The following USH2A variants were observed in gnomAD, a reference collection of about 807,000 sequenced individuals.
USH2A encodes Usher syndrome 2A (autosomal recessive, mild).
USH2A carries 443 observed loss-of-function variants against 538.9 expected under a neutral mutation model. The ratio of observed to expected loss-of-function variants is 0.82; its 90% confidence interval spans 0.76 to 0.89. The LOEUF (loss-of-function observed/expected upper bound fraction) is 0.89. Ranked by LOEUF, USH2A falls within the 40% of genes least tolerant of loss-of-function variation. The pLI, the probability that USH2A is intolerant of heterozygous loss-of-function variation, is 0.00. For synonymous variants in USH2A, 2,413 were observed against 2,273.5 expected, an observed-to-expected ratio of 1.06 and a Z score of -1.75; for missense variants, 6,633 against 6,324.8, an observed-to-expected ratio of 1.05 and a Z score of -1.65.
rs560882558 is a variant in USH2A, at chr1:216,298,296, T to C, written c.1645-5926A>G. 3.3e-5 allele frequency among the ~76,000 whole-genome samples: 5 copies of C among 152,330 alleles called. No individual in the cohort carries two copies. In the South Asian group the frequency reaches 1.0e-3, roughly 32 times the overall value. On this transcript the variant is annotated intron_variant, in intron 9 of 71. Transcript: ENST00000307340. ...TTGGTATATTGCCTACATGAGTTAG[T>C]GGAGCAAATCCAGCAAAAGCATTCC... is the stretch of plus-strand genomic sequence containing the variant.
chr1:215,932,233 T>C (rs553059059), intron 38 of USH2A, among the ~76,000 whole-genome samples: 1 of 151,998 alleles, frequency 6.6e-6, no homozygotes, highest in East Asian at 1.9e-4. Flanking sequence ...GAAAAGTAAA[T>C]AGCATATAGA....
intron 32 of USH2A, among the ~76,000 whole-genome samples, chr1:216,040,688 T>C (rs1242218007): frequency 6.6e-6 from 1 of 152,030 alleles, no homozygotes; most frequent in East Asian, 1.9e-4. Context: ...TTTTGTCTAC[T>C]TGTTTGGGAA....
intron 3 of USH2A, among the ~76,000 whole-genome samples, chr1:216,369,920 CAAAAAAAAA>C (rs71161416): frequency 1.8e-3 from 231 of 127,302 alleles, no homozygotes; most frequent in Admixed American, 2.0e-3. Context: ...GAGACTCTGC[CAAAAAAAAA>C]AAAAAAAAAA....
intron 45 of USH2A, 109 bp from the exon 46 acceptor site, chr1:215,844,605 T>G (rs1663787213): frequency 9.0e-7 from 1 of 1,106,124 alleles, no homozygotes; most frequent in Admixed American, 1.9e-5. Context: ...CTCGCTTATC[T>G]GCTTTTCGCT....
chr1:215,892,627 G>T (rs1431169988), intron 40 of USH2A, among the ~76,000 whole-genome samples: 1 of 152,022 alleles, frequency 6.6e-6, no homozygotes, highest in Non-Finnish European at 1.5e-5. Flanking sequence ...CATAATAAAA[G>T]ATCCAAATGT....
At chr1:216,290,086 TA>T (rs1571666152) in intron 10 of USH2A, among the ~76,000 whole-genome samples, 1 of 152,250 alleles carries the variant, frequency 6.6e-6, no homozygotes, top group East Asian at 1.9e-4. Flanking sequence ...TATTATGTAA[TA>T]AAAAACCTAA....
chr1:216,362,726 T>A (rs1189116423), intron 4 of USH2A, among the ~76,000 whole-genome samples: 3 of 151,940 alleles, frequency 2.0e-5, no homozygotes, highest in Non-Finnish European at 2.9e-5. Flanking sequence ...GTGGATCACC[T>A]GAGGCCAGGA....
At chr1:215,694,340 A>G (rs888655393) in intron 61 of USH2A, among the ~76,000 whole-genome samples, 4 of 152,168 alleles carry the variant, frequency 2.6e-5, no homozygotes, top group East Asian at 1.9e-4. Flanking sequence ...TTGGGAGGCC[A>G]AGGCGGGTAG....
At chr1:215,988,264 C>T (rs1033946493) in intron 35 of USH2A, among the ~76,000 whole-genome samples, 7 of 151,916 alleles carry the variant, frequency 4.6e-5, no homozygotes, top group East Asian at 1.9e-4. Context: ...GATAAACTCA[C>T]GTAAGTGCAA....
At chr1:216,013,400 G>A (rs1571889023) in intron 32 of USH2A, among the ~76,000 whole-genome samples, 2 of 151,728 alleles carry the variant, frequency 1.3e-5, no homozygotes, top group South Asian at 4.2e-4. Context: ...AATTTTCGCT[G>A]TCCCAACACT....
Position 215,794,583 on chromosome 1 carries a change from A to G in USH2A, c.9959-4301T>C, listed in dbSNP as rs79312944. On this transcript the variant is annotated intron_variant, in intron 50 of 71. Transcript: ENST00000307340. ...GGAAAAATACATGTGGAATCTGTCT[A>G]TTTTCAGTGCAACCTGCAGAAAGAA... Among the ~76,000 whole-genome samples the G allele has an allele frequency of 0.016, 2,427 of 152,306 alleles. 66 individuals are homozygous for G. Among genetic ancestry groups the G allele is most frequent in the African/African-American group, 0.056 (2,335 of 41,546 alleles).
intron 61 of USH2A, among the ~76,000 whole-genome samples, chr1:215,722,107 T>C (rs1309685753): frequency 6.6e-6 from 1 of 151,936 alleles, no homozygotes; most frequent in Admixed American, 6.6e-5. Context: ...CAAATATTCA[T>C]TGTTTTGTGT....
At chr1:216,226,184 C>T (rs1034272162) in intron 14 of USH2A, among the ~76,000 whole-genome samples, 4 of 151,966 alleles carry the variant, frequency 2.6e-5, no homozygotes, top group African/African-American at 9.7e-5. Context: ...TTTCACTGAC[C>T]CTTTAAACAT....
At chr1:216,421,470 T>C (rs976210050) in intron 2 of USH2A, among the ~76,000 whole-genome samples, 1 of 152,156 alleles carries the variant, frequency 6.6e-6, no homozygotes, top group African/African-American at 2.4e-5. Context: ...AGTAAGGAAA[T>C]GTTGATTATA....
chr1:215,879,326 CT>C (rs1287734065), intron 41 of USH2A, among the ~76,000 whole-genome samples: 6 of 152,232 alleles, frequency 3.9e-5, no homozygotes, highest in African/African-American at 1.4e-4. Context: ...AGTCTTGCCA[CT>C]TTCTACGACT....
rs1263179301 is a variant in USH2A, at chr1:215,743,416, G to GTA, written c.11390-83_11390-82dup. On this transcript the variant is annotated intron_variant, in intron 58 of 71. Transcript: ENST00000307340. ...TGTGTGTGTGTGTGTGTGTGTGTGT[G>GTA]TATATATATATAGACACACATATAT... is the stretch of plus-strand genomic sequence containing the variant. The GTA allele has an allele frequency of 0.017, 4,062 of 238,242 alleles. 446 individuals are homozygous for GTA. Among genetic ancestry groups the GTA allele is most frequent in the African/African-American group, 0.11 (3,485 of 31,374 alleles). The allele number at this position is 238,242 out of a possible 1,614,324, so 14.8% of individuals were successfully genotyped here.
At chr1:215,708,634 T>C (rs971860047) in intron 61 of USH2A, among the ~76,000 whole-genome samples, 1 of 152,146 alleles carries the variant, frequency 6.6e-6, no homozygotes, top group African/African-American at 2.4e-5. Flanking sequence ...CTTAGATCCC[T>C]TGCGTGCGCA....
In USH2A at chr1:215,628,981, T is replaced by C. The variant is rs2102625341; in HGVS notation, c.15352A>G (p.Asn5118Asp). ...ATGCGCAGGACACATGCACTCCGGT[T>C]GCTGCGGATACTCACAGGTGTCCCA... ...RSGTPVSIRS[N>D]RSACVLRIPS... Residue 5118 changes from asparagine (N) to aspartate (D), a missense_variant, in exon 71 of 72, where the codon AAC (asparagine) becomes GAC (aspartate). Physicochemically the swap from Asn to Asp is conservative, Grantham distance 23. Coordinates refer to ENST00000307340, the MANE Select transcript of USH2A (RefSeq NM_206933.4). The C allele has an allele frequency of 2.5e-6, 4 of 1,613,960 alleles. No homozygotes were observed. In the East Asian group the frequency reaches 8.9e-5, roughly 36 times the overall value.
intron 41 of USH2A, among the ~76,000 whole-genome samples, chr1:215,885,526 G>C (rs150405435): frequency 3.5e-3 from 539 of 152,154 alleles, no homozygotes; most frequent in African/African-American, 0.012. Flanking sequence ...TTAAATAAAA[G>C]TGCATGGCTT....
Sources: allele counts gnomAD v4.1 joint callset (sites outside exome capture counted in the v4.1 genomes callset), GRCh38; gene constraint gnomAD v4.1.1; transcripts MANE v1.5; gene names NCBI Gene and HGNC (gene_info 2026-07-23, HGNC 2026-07-21).